TMEM222: variants seen among roughly 807,000 people sequenced by gnomAD.
The protein encoded by TMEM222 is chromosome 1 open reading frame 160.
TMEM222 carries 18 observed loss-of-function variants against 25.1 expected under a neutral mutation model. The observed-to-expected ratio is 0.72, with a 90% confidence interval of 0.50 to 1.06. The LOEUF (loss-of-function observed/expected upper bound fraction) is 1.06. TMEM222 is among the 50% of genes least tolerant of loss of function. The pLI is 0.00. For missense variants in TMEM222, 296 were observed against 293.7 expected (o/e 1.01, Z -0.06); for synonymous variants, 131 against 117.9 (o/e 1.11, Z -0.72).
At chr1:27,326,179 T>C (rs1048531559) in intron 1 of TMEM222, among the ~76,000 whole-genome samples, 2 of 152,108 alleles carry the variant, frequency 1.3e-5, no homozygotes, top group Non-Finnish European at 2.9e-5. Flanking sequence ...CATGGCTGAG[T>C]GTTCTGGGAT....
rs780377823 is a variant in TMEM222, at chr1:27,334,129, C to T, written c.409-22C>T. ...GAGGCTCCCCTGCAGCCCATCCTGA[C>T]CAGCCCTTCTGGTGCCTCCAGCACA... On this transcript the variant is annotated intron_variant, in intron 4 of 5. Coordinates refer to ENST00000374076, the MANE Select transcript of TMEM222 (RefSeq NM_032125.3). 9 of 1,614,084 alleles carry T rather than the reference C, an allele frequency of 5.6e-6. No individual in the cohort carries two copies. The Middle Eastern group carries it at 1.2e-3, about 207-fold the overall frequency.
Position 27,335,592 on chromosome 1 carries a change from G to A in TMEM222, c.*126G>A, listed in dbSNP as rs1443617967. The A allele has an allele frequency of 9.0e-6, 8 of 886,384 alleles. No homozygotes were observed. The highest frequency in any genetic ancestry group is 2.2e-5 in the Admixed American group (1 of 45,320). 54.9% of individuals were successfully genotyped at this position (886,384 alleles called of 1,614,324 possible). A position where few individuals can be genotyped will look rare whatever the true frequency, so the allele number is the denominator to read the frequency against. ...GGCCTGCTGTTGTGGACCGGGGGTC[G>A]GGGCTGGCAGGATGGAAGGACTGAG... On this transcript the variant is annotated 3_prime_UTR_variant, in exon 6 of 6. Transcript: ENST00000374076.
In TMEM222 at chr1:27,332,026, C is replaced by A. The variant is rs776189728; in HGVS notation, c.280-44C>A. On this transcript the variant is annotated intron_variant, in intron 2 of 5. Coordinates refer to ENST00000374076, the MANE Select transcript of TMEM222 (RefSeq NM_032125.3). ...ACCTACCCAGGTTTGTCATCTGGCCCAAATGTAAGTTCCTCACTGACCTCT... is the reference window on the plus strand; with the variant it reads ...ACCTACCCAGGTTTGTCATCTGGCCAAAATGTAAGTTCCTCACTGACCTCT... 12 of 1,613,514 alleles carry A rather than the reference C, an allele frequency of 7.4e-6. No individual in the cohort carries two copies. In the East Asian group the frequency reaches 2.2e-4, roughly 30 times the overall value.
intron 1 of TMEM222, among the ~76,000 whole-genome samples, chr1:27,330,396 G>GAA (rs1328997336): frequency 7.2e-6 from 1 of 139,100 alleles, no homozygotes; most frequent in Admixed American, 7.2e-5. Context: ...GACTCCATTT[G>GAA]AAAAAAAAAA....
chr1:27,326,370 A>G (rs537845270), intron 1 of TMEM222, among the ~76,000 whole-genome samples: 1 of 152,258 alleles, frequency 6.6e-6, no homozygotes, highest in African/African-American at 2.4e-5. Flanking sequence ...CTGTAAATGT[A>G]TTCATCCTTT....
rs1183802990 is a variant in TMEM222 at position 27,336,099 on chromosome 1, T to G, written c.*633T>G. ...TCCCAGCATTGGACCCATCTCCCCCTGCAGTTTGAGGCCAGAGAGGTGAGT... is the reference window on the plus strand; with the variant it reads ...TCCCAGCATTGGACCCATCTCCCCCGGCAGTTTGAGGCCAGAGAGGTGAGT... On this transcript the variant is annotated 3_prime_UTR_variant, in exon 6 of 6. Coordinates refer to ENST00000374076, the MANE Select transcript of TMEM222 (RefSeq NM_032125.3). The G allele has an allele frequency of 6.4e-6, 1 of 155,070 alleles. No homozygotes were observed. The highest frequency in any genetic ancestry group is 6.3e-5 in the Admixed American group (1 of 15,760). 9.6% of individuals were successfully genotyped at this position (155,070 alleles called of 1,614,324 possible).
chr1:27,334,043 A>G lies in TMEM222; in HGVS notation c.397A>G (p.Lys133Glu). The G allele has an allele frequency of 4.3e-6, 7 of 1,614,146 alleles. No homozygotes were observed. The highest frequency in any genetic ancestry group is 5.9e-6 in the Non-Finnish European group (7 of 1,180,022). ...TAVHDASEEYKHRMHNLCCDN... is the reference protein window; with the variant it reads ...TAVHDASEEYEHRMHNLCCDN... ...TGTGCACGACGCCTCTGAGGAGTAC[A>G]AGCACCGCATGGTAGGTGGGCCAGG... Residue 133 changes from lysine (K) to glutamate (E), a missense_variant, in exon 4 of 6, where the codon AAG becomes GAG. Transcript: ENST00000374076.
At chr1:27,332,233 C>G (rs2014499690) in intron 3 of TMEM222, 132 bp downstream of exon 3, 1 of 1,054,434 alleles carries the variant, frequency 9.5e-7, no homozygotes, top group Non-Finnish European at 1.5e-6. Context: ...AGAGGTCAGC[C>G]AGGGTCCACC....
At chr1:27,332,524 G>T in intron 3 of TMEM222, 2 of 718,156 alleles carry the variant, frequency 2.8e-6, no homozygotes, top group Non-Finnish European at 5.2e-6. Context: ...CTGCTGGAAA[G>T]TTCTGGTTGG....
intron 3 of TMEM222, chr1:27,333,067 A>G: frequency 3.0e-6 from 1 of 336,710 alleles, no homozygotes; most frequent in East Asian, 7.5e-5. Flanking sequence ...CTTTAGCACC[A>G]TCAGCTTCCC....
At chr1:27,329,629 C>G (rs1256241797) in intron 1 of TMEM222, among the ~76,000 whole-genome samples, 1 of 152,100 alleles carries the variant, frequency 6.6e-6, no homozygotes, top group African/African-American at 2.4e-5. Context: ...CATTTGGATT[C>G]TTTCTAGTTG....
intron 3 of TMEM222, 43 bp from the exon 4 acceptor site, chr1:27,333,915 C>T (rs573708054): frequency 1.3e-6 from 2 of 1,583,486 alleles, no homozygotes; most frequent in South Asian, 2.2e-5. Flanking sequence ...GCTGAGGGCA[C>T]AAAGGAGCCA....
intron 1 of TMEM222, among the ~76,000 whole-genome samples, chr1:27,324,097 G>A (rs1462470862): frequency 6.6e-6 from 1 of 152,154 alleles, no homozygotes; most frequent in Non-Finnish European, 1.5e-5. Context: ...AGGCCCAGGC[G>A]GGCGAATCAC....
chr1:27,332,244 AGAG>A, intron 3 of TMEM222, 143 bp downstream of exon 3: 3 of 921,880 alleles, frequency 3.3e-6, no homozygotes, highest in Non-Finnish European at 5.2e-6. Flanking sequence ...AGGGTCCACC[AGAG>A]CATGGCAACC....
intron 3 of TMEM222, chr1:27,333,371 C>T: frequency 2.1e-6 from 1 of 471,166 alleles, no homozygotes. Context: ...GTGTCACCTC[C>T]AGGAAGCCTT....
intron 1 of TMEM222, among the ~76,000 whole-genome samples, chr1:27,324,411 C>G (rs1310809134): frequency 6.6e-6 from 1 of 152,210 alleles, no homozygotes; most frequent in Non-Finnish European, 1.5e-5. Context: ...CTCTCTTTAG[C>G]CTTTCTTATT....
chr1:27,334,904 C>A (rs1258447968), intron 5 of TMEM222: 4 of 866,604 alleles, frequency 4.6e-6, no homozygotes, highest in East Asian at 1.6e-4. Flanking sequence ...AGAGGTTGAA[C>A]CCAGACCCCT....
intron 1 of TMEM222, among the ~76,000 whole-genome samples, chr1:27,323,219 T>A (rs2014250253): frequency 6.6e-6 from 1 of 152,212 alleles, no homozygotes; most frequent in South Asian, 2.1e-4. Context: ...CTTGATCAGG[T>A]TCGCACCCCA....
intron 1 of TMEM222, 89 bp downstream of exon 1, chr1:27,322,480 G>A (rs1489164939): frequency 2.4e-6 from 3 of 1,253,160 alleles, no homozygotes; most frequent in Non-Finnish European, 1.0e-6. Context: ...CCAACGCGCA[G>A]CAAGCCTTTT....
Sources: allele counts gnomAD v4.1 joint callset (sites outside exome capture counted in the v4.1 genomes callset), GRCh38; gene constraint gnomAD v4.1.1; transcripts MANE v1.5; gene names NCBI Gene and HGNC (gene_info 2026-07-23, HGNC 2026-07-21).